The following DTNA variants were observed in gnomAD, a reference collection of about 807,000 sequenced individuals.
The protein encoded by DTNA is dystrobrevin alpha, also known as dystrophin-related protein 3.
DTNA carries 43 observed loss-of-function variants against 100.7 expected under a neutral mutation model. The observed-to-expected ratio is 0.43, with a 90% CI of 0.33 to 0.55. The LOEUF is 0.55. Among genes scored for constraint, DTNA ranks in the 20% least tolerant of loss-of-function variants. The probability of loss-of-function intolerance (pLI) is 0.04; values close to 1 mark genes in which losing one functional copy is unlikely to be tolerated. For missense variants in DTNA, 798 were observed against 953.9 expected, an observed-to-expected ratio of 0.84 and a Z score of 2.15; for synonymous variants, 349 against 347.9, an observed-to-expected ratio of 1.00 and a Z score of -0.04.
At chr18:34,541,707 T>C (rs1044242151) in intron 1 of DTNA, among the ~76,000 whole-genome samples, 1 of 151,876 alleles carries the variant, frequency 6.6e-6, no homozygotes, top group Non-Finnish European at 1.5e-5. Context: ...GGTTAGAAAA[T>C]AAAGGATTTT....
At chr18:34,689,273 A>C (rs556728444) in intron 1 of DTNA, among the ~76,000 whole-genome samples, 1 of 152,054 alleles carries the variant, frequency 6.6e-6, no homozygotes, top group East Asian at 1.9e-4. Context: ...CTTCATCTTC[A>C]TGGATTTATC....
At chr18:34,553,321 T>C (rs981124002) in intron 1 of DTNA, among the ~76,000 whole-genome samples, 5 of 151,694 alleles carry the variant, frequency 3.3e-5, no homozygotes, top group African/African-American at 1.2e-4. Context: ...TTCTCCCATT[T>C]TGTAGGTTGC....
chr18:34,775,208 C>T (rs2093980444), intron 3 of DTNA, among the ~76,000 whole-genome samples: 1 of 152,188 alleles, frequency 6.6e-6, no homozygotes, highest in Non-Finnish European at 1.5e-5. Flanking sequence ...GAGAGTTAGC[C>T]AGGTGCAGTG....
At chr18:34,808,925 T>C (rs757136538) in intron 5 of DTNA, among the ~76,000 whole-genome samples, 30 of 152,142 alleles carry the variant, frequency 2.0e-4, no homozygotes, top group Non-Finnish European at 3.7e-4. Context: ...ATTCCCCACT[T>C]TGAGAGCAGT....
chr18:34,624,512 A>G (rs1166520896), intron 1 of DTNA, among the ~76,000 whole-genome samples: 10 of 152,164 alleles, frequency 6.6e-5, no homozygotes, highest in Non-Finnish European at 1.2e-4. Context: ...AGCATCAAAC[A>G]TTTTCTTCTC....
chr18:34,559,549 A>T (rs1043808530), intron 1 of DTNA, among the ~76,000 whole-genome samples: 5 of 152,254 alleles, frequency 3.3e-5, no homozygotes, highest in Non-Finnish European at 7.3e-5. Context: ...TGTTCTGGAC[A>T]GGAAATTCAA....
At chr18:34,567,801 C>T (rs1204847618) in intron 1 of DTNA, among the ~76,000 whole-genome samples, 2 of 152,094 alleles carry the variant, frequency 1.3e-5, no homozygotes, top group Non-Finnish European at 2.9e-5. Context: ...TTTATATTCA[C>T]AAAACACATA....
At chr18:34,701,145 A>G (rs1001763374) in intron 1 of DTNA, among the ~76,000 whole-genome samples, 1 of 152,094 alleles carries the variant, frequency 6.6e-6, no homozygotes, top group African/African-American at 2.4e-5. Flanking sequence ...TTTCCTTTCA[A>G]TTGCTGCCCT....
intron 1 of DTNA, among the ~76,000 whole-genome samples, chr18:34,661,377 C>T (rs1410091781): frequency 6.6e-6 from 1 of 152,146 alleles, no homozygotes; most frequent in Admixed American, 6.6e-5. Flanking sequence ...GTATTGATGG[C>T]CCTGCCTTCT....
intron 17 of DTNA, chr18:34,866,390 T>C (rs1277053117): frequency 4.4e-6 from 6 of 1,365,396 alleles, no homozygotes; most frequent in Non-Finnish European, 9.4e-7. Flanking sequence ...TGTCATTTAT[T>C]GGAAACATTT....
At chr18:34,629,501 T>C (rs757517312) in intron 1 of DTNA, among the ~76,000 whole-genome samples, 26 of 152,170 alleles carry the variant, frequency 1.7e-4, no homozygotes, top group Non-Finnish European at 3.1e-4. Flanking sequence ...TCGGAAGATA[T>C]CTAGAAGTGG....
intron 1 of DTNA, among the ~76,000 whole-genome samples, chr18:34,729,641 G>C (rs2087600180): frequency 6.6e-6 from 1 of 152,078 alleles, no homozygotes. Flanking sequence ...ACTTCTGAAG[G>C]AGGCTGGGCA....
chr18:34,784,663 AGGTCATCTG>A (rs1412724109), intron 3 of DTNA, among the ~76,000 whole-genome samples: 2 of 152,188 alleles, frequency 1.3e-5, no homozygotes, highest in Admixed American at 6.5e-5. Flanking sequence ...ATCTTCAGTT[AGGTCATCTG>A]AGTGTGTCTT....
At chr18:34,786,691 A>G (rs980928916) in intron 3 of DTNA, among the ~76,000 whole-genome samples, 3 of 152,154 alleles carry the variant, frequency 2.0e-5, no homozygotes, top group Admixed American at 2.0e-4. Flanking sequence ...CCAATAGCAG[A>G]TCAACAGATT....
chr18:34,790,796 G>T (rs1209165694), intron 3 of DTNA, among the ~76,000 whole-genome samples: 1 of 152,110 alleles, frequency 6.6e-6, no homozygotes, highest in African/African-American at 2.4e-5. Flanking sequence ...AAAAAGAACT[G>T]ACTCAGCCAA....
intron 1 of DTNA, among the ~76,000 whole-genome samples, chr18:34,533,676 T>A (rs937021399): frequency 2.0e-5 from 3 of 152,082 alleles, no homozygotes; most frequent in African/African-American, 4.8e-5. Context: ...TACACAGAAA[T>A]CATTATGCCG....
intron 13 of DTNA, among the ~76,000 whole-genome samples, chr18:34,845,749 A>C (rs1208346251): frequency 1.3e-5 from 2 of 152,250 alleles, no homozygotes; most frequent in Non-Finnish European, 2.9e-5. Flanking sequence ...TAACCATTGC[A>C]GAATGCAGAC....
chr18:34,577,358 A>G (rs565135273), intron 1 of DTNA, among the ~76,000 whole-genome samples: 2 of 152,184 alleles, frequency 1.3e-5, no homozygotes, highest in African/African-American at 4.8e-5. Context: ...TTTTATATTT[A>G]AAGCATTTTT....
chr18:34,606,737 G>A (rs1490376406), intron 1 of DTNA, among the ~76,000 whole-genome samples: 1 of 152,246 alleles, frequency 6.6e-6, no homozygotes. Context: ...AGGAAAGATG[G>A]GAAGGGCTTT....
Sources: allele counts gnomAD v4.1 joint callset (sites outside exome capture counted in the v4.1 genomes callset), GRCh38; gene constraint gnomAD v4.1.1; transcripts MANE v1.5; gene names NCBI Gene and HGNC (gene_info 2026-07-23, HGNC 2026-07-21).